C12orf54: variants seen among roughly 807,000 people sequenced by gnomAD.
C12orf54 encodes the protein uncharacterized protein C12orf54.
Under a neutral mutation model 26.4 loss-of-function variants are expected in C12orf54, and 24 were observed. The ratio of observed to expected loss-of-function variants is 0.91; its 90% CI spans 0.66 to 1.28. The LOEUF (loss-of-function observed/expected upper bound fraction) is 1.28, where lower values mean the gene tolerates loss of function less well. Among genes scored for constraint, C12orf54 ranks in the 50% most tolerant of loss-of-function variants. The pLI is 0.00. For synonymous variants in C12orf54, 54 were observed against 47.0 expected, an observed-to-expected ratio of 1.15 and a Z score of -0.61; for missense variants, 154 against 150.9, an observed-to-expected ratio of 1.02 and a Z score of -0.11.
the C12orf54 span, among the ~76,000 whole-genome samples, chr12:48,416,389 G>A: frequency 6.6e-6 from 1 of 152,174 alleles, no homozygotes; most frequent in Non-Finnish European, 1.5e-5. Context: ...AGTTTCTTCT[G>A]TGCCAAAGCC....
At chr12:48,447,738 A>G in the C12orf54 span, among the ~76,000 whole-genome samples, 14 of 152,310 alleles carry the variant, frequency 9.2e-5, no homozygotes, top group Non-Finnish European at 1.9e-4. Flanking sequence ...GCTACCTTAC[A>G]TGGCAAAAGA....
At chr12:48,468,369 A>T in the C12orf54 span, among the ~76,000 whole-genome samples, 1 of 152,122 alleles carries the variant, frequency 6.6e-6, no homozygotes, top group Non-Finnish European at 1.5e-5. Flanking sequence ...AGTGGGCAGG[A>T]ATGATGTCCA....
the C12orf54 span, among the ~76,000 whole-genome samples, chr12:48,457,275 TTGTTGTTGTTGGTGG>T: frequency 8.5e-6 from 1 of 117,882 alleles, no homozygotes; most frequent in East Asian, 3.3e-4. Flanking sequence ...CAGTTTTTTG[TTGTTGTTGTTGGTGG>T]TGGTGGTGGT....
intron 2 of C12orf54, chr12:48,483,653 G>A (rs138091616): frequency 2.6e-5 from 8 of 309,658 alleles, no homozygotes; most frequent in African/African-American, 1.1e-4. Context: ...CTTTGCCTAA[G>A]TCCTTTATAT....
At chr12:48,437,837 T>A in the C12orf54 span, among the ~76,000 whole-genome samples, 2 of 152,168 alleles carry the variant, frequency 1.3e-5, no homozygotes, top group Non-Finnish European at 2.9e-5. Flanking sequence ...CTTTGAAAAC[T>A]GGCACAAGAC....
chr12:48,472,226 C>T, the C12orf54 span, among the ~76,000 whole-genome samples: 83,133 of 152,044 alleles, frequency 0.55, 24,521 homozygotes, highest in East Asian at 0.82. Context: ...TGTTTATCAG[C>T]TCTATTAACC....
chr12:48,434,145 C>A, the C12orf54 span, among the ~76,000 whole-genome samples: 1 of 152,134 alleles, frequency 6.6e-6, no homozygotes, highest in Non-Finnish European at 1.5e-5. Context: ...GGTCCTACAC[C>A]CATGGAGCCT....
the C12orf54 span, among the ~76,000 whole-genome samples, chr12:48,423,739 A>G: frequency 1.3e-5 from 2 of 152,092 alleles, no homozygotes; most frequent in African/African-American, 4.8e-5. Context: ...TAAACTGACT[A>G]GTTCTACTAA....
chr12:48,484,512 G>A (rs929946820), intron 2 of C12orf54, among the ~76,000 whole-genome samples: 1 of 152,144 alleles, frequency 6.6e-6, no homozygotes, highest in Non-Finnish European at 1.5e-5. Flanking sequence ...AAGTGGACAG[G>A]ACACTGTAAA....
the C12orf54 span, chr12:48,472,554 T>G: frequency 6.9e-6 from 9 of 1,298,472 alleles, no homozygotes; most frequent in Non-Finnish European, 9.6e-6. Context: ...AAGAATTTAC[T>G]TTCGGAGAAC....
the C12orf54 span, among the ~76,000 whole-genome samples, chr12:48,467,293 C>G: frequency 1.3e-4 from 20 of 152,280 alleles, no homozygotes; most frequent in African/African-American, 4.1e-4. Context: ...TCCCTGAAAG[C>G]CTTTAGAAGA....
the C12orf54 span, among the ~76,000 whole-genome samples, chr12:48,437,769 A>G: frequency 2.0e-5 from 3 of 152,316 alleles, no homozygotes; most frequent in South Asian, 2.1e-4. Context: ...AATAAGAGCT[A>G]TCTATGACAA....
At chr12:48,413,234 A>C in the C12orf54 span, among the ~76,000 whole-genome samples, 1 of 152,220 alleles carries the variant, frequency 6.6e-6, no homozygotes, top group Non-Finnish European at 1.5e-5. Flanking sequence ...TTCTTTTACC[A>C]TTCTATATTT....
At chr12:48,472,986 C>G in the C12orf54 span, 1 of 1,614,094 alleles carries the variant, frequency 6.2e-7, no homozygotes, top group Non-Finnish European at 8.5e-7. Context: ...CACAATAGAG[C>G]CCCTGAAAAA....
At chr12:48,450,988 T>A in the C12orf54 span, among the ~76,000 whole-genome samples, 1 of 152,036 alleles carries the variant, frequency 6.6e-6, no homozygotes, top group South Asian at 2.1e-4. Flanking sequence ...GAGGCCAGCA[T>A]CATCCTGATA....
chr12:48,469,396 G>A, the C12orf54 span, among the ~76,000 whole-genome samples: 1 of 152,210 alleles, frequency 6.6e-6, no homozygotes, highest in Admixed American at 6.5e-5. Context: ...TCTGAAAGAA[G>A]AGAAATATGA....
At chr12:48,441,297 G>T in the C12orf54 span, among the ~76,000 whole-genome samples, 1 of 152,116 alleles carries the variant, frequency 6.6e-6, no homozygotes, top group Non-Finnish European at 1.5e-5. Context: ...ATGCAAAAAG[G>T]CTGACCTTTG....
chr12:48,447,539 A>G, the C12orf54 span, among the ~76,000 whole-genome samples: 1 of 151,962 alleles, frequency 6.6e-6, no homozygotes, highest in African/African-American at 2.4e-5. Context: ...TAGGATTCCA[A>G]TTTTCAAAAG....
chr12:48,462,121 A>G, the C12orf54 span, among the ~76,000 whole-genome samples: 1 of 151,578 alleles, frequency 6.6e-6, no homozygotes, highest in Non-Finnish European at 1.5e-5. Context: ...GAAAAGATTT[A>G]TTTTAATAAA....
Sources: gnomAD v4.1 joint callset for allele counts (sites outside exome capture counted in the v4.1 genomes callset) on GRCh38, gnomAD v4.1.1 for gene constraint, MANE v1.5 for transcripts, NCBI Gene and HGNC (gene_info 2026-07-23, HGNC 2026-07-21) for gene names.